Variants in FSTL5 observed in about 807,000 individuals in gnomAD.
FSTL5 encodes follistatin like 5.
A neutral mutation model predicts 89.1 loss-of-function variants in FSTL5; 62 were observed. The ratio of observed to expected loss-of-function variants is 0.70; its 90% confidence interval spans 0.57 to 0.86. The LOEUF is 0.86. Ranked by LOEUF, FSTL5 falls within the 40% of genes least tolerant of loss-of-function variation. The pLI, the probability that FSTL5 is intolerant of heterozygous loss-of-function variation, is 0.00. For synonymous variants in FSTL5, 383 were observed against 346.2 expected (o/e 1.11, Z -1.18); for missense variants, 1,057 against 1,001.6 (o/e 1.06, Z -0.75).
chr4:161,467,358 CA>C (rs1336010940), intron 13 of FSTL5, among the ~76,000 whole-genome samples: 1 of 151,924 alleles, frequency 6.6e-6, no homozygotes, highest in East Asian at 1.9e-4. Context: ...CATTTGGATA[CA>C]AAAAAGTCTA....
intron 8 of FSTL5, among the ~76,000 whole-genome samples, chr4:161,577,279 T>A (rs761481481): frequency 8.5e-5 from 13 of 152,074 alleles, no homozygotes; most frequent in Non-Finnish European, 1.5e-4. Context: ...AGGAAAACTT[T>A]CCTCTAACCC....
At chr4:161,823,046 C>T (rs1015163846) in intron 4 of FSTL5, among the ~76,000 whole-genome samples, 1 of 152,178 alleles carries the variant, frequency 6.6e-6, no homozygotes, top group Non-Finnish European at 1.5e-5. Flanking sequence ...GTTGTCCTGA[C>T]ATCTGAGTCT....
chr4:161,920,891 A>G (rs551497865), intron 3 of FSTL5, among the ~76,000 whole-genome samples: 2 of 152,142 alleles, frequency 1.3e-5, no homozygotes, highest in East Asian at 1.9e-4. Flanking sequence ...CCCTCCCCAG[A>G]GAAGTGTAGT....
At chr4:161,923,174 A>G (rs1316131946) in intron 3 of FSTL5, among the ~76,000 whole-genome samples, 1 of 151,934 alleles carries the variant, frequency 6.6e-6, no homozygotes, top group African/African-American at 2.4e-5. Flanking sequence ...CTTTGCTTCT[A>G]TGTTTGGCCT....
chr4:162,147,044 A>AG lies in FSTL5; in HGVS notation c.-17+16570dup, dbSNP rs74390973. 1.1e-4 allele frequency among the ~76,000 whole-genome samples: 16 copies of AG among 152,128 alleles called. No homozygotes were observed. In the East Asian group the frequency reaches 2.7e-3, roughly 26 times the overall value. The stretch of plus-strand genomic sequence containing the variant: ...TGATCTGCCCCCCTCGGCCTCCCAA[A>AG]GCACTGAGATTACAAGTGTGAGCCA... On this transcript the variant is annotated intron_variant, in intron 1 of 15. Coordinates refer to ENST00000306100, the MANE Select transcript of FSTL5 (RefSeq NM_020116.5).
intron 2 of FSTL5, among the ~76,000 whole-genome samples, chr4:162,043,964 C>A (rs1192019344): frequency 1.3e-5 from 2 of 152,134 alleles, no homozygotes; most frequent in African/African-American, 2.4e-5. Flanking sequence ...ACTTCCTTCA[C>A]TGAAGGGTGG....
intron 2 of FSTL5, among the ~76,000 whole-genome samples, chr4:162,055,082 TA>T (rs969069139): frequency 4.6e-5 from 7 of 151,854 alleles, no homozygotes; most frequent in African/African-American, 1.7e-4. Context: ...TTTGCTTGGT[TA>T]TAGAAAAGGG....
At chr4:161,702,395 G>A (rs980229457) in intron 6 of FSTL5, among the ~76,000 whole-genome samples, 1 of 152,052 alleles carries the variant, frequency 6.6e-6, no homozygotes, top group Non-Finnish European at 1.5e-5. Flanking sequence ...TCTGCCTTAA[G>A]CATAGTTATG....
At chr4:161,662,881 T>G in intron 6 of FSTL5, among the ~76,000 whole-genome samples, 1 of 152,146 alleles carries the variant, frequency 6.6e-6, no homozygotes, top group East Asian at 1.9e-4. Context: ...TTAATTGGAC[T>G]TACAGTTCCA....
intron 6 of FSTL5, among the ~76,000 whole-genome samples, chr4:161,700,335 A>C (rs1400388943): frequency 6.6e-6 from 1 of 152,178 alleles, no homozygotes; most frequent in Non-Finnish European, 1.5e-5. Flanking sequence ...TGTGCTCATC[A>C]TCACTATGCT....
intron 1 of FSTL5, among the ~76,000 whole-genome samples, chr4:162,158,854 A>G (rs1459767184): frequency 6.6e-6 from 1 of 152,128 alleles, no homozygotes; most frequent in African/African-American, 2.4e-5. Flanking sequence ...TTCCCAGATG[A>G]AAAAGCAAAT....
At chr4:161,473,023 G>A (rs1376215121) in intron 13 of FSTL5, among the ~76,000 whole-genome samples, 1 of 152,050 alleles carries the variant, frequency 6.6e-6, no homozygotes, top group African/African-American at 2.4e-5. Context: ...GTGCCTGGCT[G>A]TGTCTAACTT....
chr4:161,488,818 T>G (rs1284584630), intron 12 of FSTL5, among the ~76,000 whole-genome samples: 1 of 152,090 alleles, frequency 6.6e-6, no homozygotes, highest in African/African-American at 2.4e-5. Flanking sequence ...ACCAAATGTT[T>G]TGGAAGGAAG....
In FSTL5 at chr4:161,590,347, C is replaced by T. The variant is rs762870047; in HGVS notation, c.895-2772G>A. 2.6e-4 allele frequency among the ~76,000 whole-genome samples: 40 copies of T among 152,040 alleles called. 1 individual carries two copies. Among genetic ancestry groups the T allele is most frequent in the Non-Finnish European group, 2.2e-4 (15 of 67,948 alleles). On this transcript the variant is annotated intron_variant, in intron 7 of 15. Transcript: ENST00000306100. ...CGAGGTCAAGAGTTTGAGACCAGCC[C>T]GGCCAACATGAGGAAACCCCGTCTC... is the stretch of plus-strand genomic sequence containing the variant.
At chr4:161,688,940 A>C (rs78999697) in intron 6 of FSTL5, among the ~76,000 whole-genome samples, 1 of 152,196 alleles carries the variant, frequency 6.6e-6, no homozygotes, top group East Asian at 1.9e-4. Context: ...TTTCTTACTG[A>C]TTTTATTAGC....
chr4:161,788,309 A>G (rs528177106), intron 4 of FSTL5, among the ~76,000 whole-genome samples: 1 of 152,292 alleles, frequency 6.6e-6, no homozygotes, highest in South Asian at 2.1e-4. Flanking sequence ...ACTATACATT[A>G]TTGCTGACTA....
At chr4:162,050,379 T>C (rs1738340465) in intron 2 of FSTL5, among the ~76,000 whole-genome samples, 1 of 151,294 alleles carries the variant, frequency 6.6e-6, no homozygotes, top group Non-Finnish European at 1.5e-5. Flanking sequence ...AATTAAATGT[T>C]AAAACATTTA....
chr4:161,810,947 C>A (rs970760624), intron 4 of FSTL5, among the ~76,000 whole-genome samples: 2 of 152,160 alleles, frequency 1.3e-5, no homozygotes, highest in Non-Finnish European at 2.9e-5. Context: ...GGAGCACTCA[C>A]AAAGTAACTA....
intron 6 of FSTL5, among the ~76,000 whole-genome samples, chr4:161,714,222 G>A (rs1002149873): frequency 6.6e-6 from 1 of 152,160 alleles, no homozygotes; most frequent in Non-Finnish European, 1.5e-5. Context: ...AAAGTGTGTA[G>A]AATGATCTGA....
Sources: allele counts gnomAD v4.1 joint callset (sites outside exome capture counted in the v4.1 genomes callset), GRCh38; gene constraint gnomAD v4.1.1; transcripts MANE v1.5; gene names NCBI Gene and HGNC (gene_info 2026-07-23, HGNC 2026-07-21).